The following DUSP22 variants were observed in gnomAD, a reference collection of about 807,000 sequenced individuals.
The protein encoded by DUSP22 is dual specificity phosphatase 22, also known as dual specificity protein phosphatase 22.
Under a neutral mutation model 24.5 loss-of-function variants are expected in DUSP22, and 24 were observed. The ratio of observed to expected loss-of-function variants is 0.98; its 90% CI spans 0.71 to 1.38. The LOEUF (loss-of-function observed/expected upper bound fraction) is 1.38. Among genes scored for constraint, DUSP22 ranks in the 40% most tolerant of loss-of-function variants. DUSP22 has a pLI of 0.00. For missense variants in DUSP22, 330 were observed against 269.2 expected, an observed-to-expected ratio of 1.23 and a Z score of -1.58; for synonymous variants, 160 against 106.4, an observed-to-expected ratio of 1.50 and a Z score of -3.10.
intron 1 of DUSP22, among the ~76,000 whole-genome samples, chr6:296,538 C>T (rs532691585): frequency 4.6e-5 from 7 of 152,416 alleles, no homozygotes; most frequent in Non-Finnish European, 7.3e-5. Context: ...ATGCAAATGT[C>T]GTGTTCCTGT....
At chr6:336,239 A>C (rs1001240578) in intron 4 of DUSP22, among the ~76,000 whole-genome samples, 2 of 152,304 alleles carry the variant, frequency 1.3e-5, no homozygotes, top group South Asian at 2.1e-4. Context: ...GCTATATGCC[A>C]CAGGTCAAAG....
At chr6:346,013 T>C in intron 5 of DUSP22, 85 bp downstream of exon 5, 1 of 1,519,020 alleles carries the variant, frequency 6.6e-7, no homozygotes, top group Non-Finnish European at 9.1e-7. Context: ...GTGTGAATAA[T>C]GGTTTCACCT....
intron 3 of DUSP22, among the ~76,000 whole-genome samples, chr6:332,837 G>T (rs576490451): frequency 6.6e-6 from 1 of 152,412 alleles, no homozygotes; most frequent in East Asian, 1.9e-4. Context: ...GGCTCCTTCT[G>T]GTCTGTCTGG....
intron 5 of DUSP22, 59 bp downstream of exon 5, chr6:345,987 T>A: frequency 7.5e-6 from 12 of 1,600,062 alleles, no homozygotes; most frequent in Non-Finnish European, 1.0e-5. Flanking sequence ...TGGCTTCCCA[T>A]CAAGTGTTTT....
chr6:322,175 C>T (rs1427751465), intron 3 of DUSP22, among the ~76,000 whole-genome samples: 2 of 152,224 alleles, frequency 1.3e-5, no homozygotes, highest in African/African-American at 4.8e-5. Context: ...CATAGTGTAT[C>T]TAAGCCATTG....
chr6:296,397 T>A (rs1757329666), intron 1 of DUSP22, among the ~76,000 whole-genome samples: 1 of 152,298 alleles, frequency 6.6e-6, no homozygotes, highest in African/African-American at 2.4e-5. Context: ...ACCCAGCTGG[T>A]GAGTAGCAGA....
chr6:347,467 A>G (rs1435895042), intron 5 of DUSP22, among the ~76,000 whole-genome samples: 3 of 152,306 alleles, frequency 2.0e-5, no homozygotes, highest in Non-Finnish European at 4.4e-5. Flanking sequence ...TTGCATGTAC[A>G]TGTAAAACGG....
intron 1 of DUSP22, among the ~76,000 whole-genome samples, chr6:292,922 C>T (rs1463471037): frequency 1.3e-5 from 2 of 152,282 alleles, no homozygotes; most frequent in East Asian, 1.9e-4. Context: ...TCCCAAACTA[C>T]GCTCTTGAAG....
At chr6:298,783 C>T (rs936809444) in intron 1 of DUSP22, among the ~76,000 whole-genome samples, 12 of 152,418 alleles carry the variant, frequency 7.9e-5, no homozygotes, top group Admixed American at 3.3e-4. Context: ...GTTTCGTCAC[C>T]GTTTATTCAG....
chr6:314,620 A>G (rs1302224971), intron 3 of DUSP22, among the ~76,000 whole-genome samples: 2 of 152,306 alleles, frequency 1.3e-5, no homozygotes, highest in African/African-American at 4.8e-5. Context: ...AACTTAGCAC[A>G]CTTTATTCCC....
chr6:317,781 A>G (rs1402256001), intron 3 of DUSP22, among the ~76,000 whole-genome samples: 1 of 152,306 alleles, frequency 6.6e-6, no homozygotes, highest in African/African-American at 2.4e-5. Context: ...TCCAGCACGC[A>G]GGGGCCCCTC....
At chr6:318,987 A>G (rs1419331904) in intron 3 of DUSP22, among the ~76,000 whole-genome samples, 7 of 152,386 alleles carry the variant, frequency 4.6e-5, no homozygotes, top group East Asian at 1.9e-4. Context: ...TTTAAAGTCA[A>G]TGGTGTATTT....
chr6:334,684 A>G (rs541932142), intron 3 of DUSP22, among the ~76,000 whole-genome samples: 3 of 152,306 alleles, frequency 2.0e-5, no homozygotes, highest in Non-Finnish European at 4.4e-5. Flanking sequence ...GTAATGTGAC[A>G]TTATAGTTTT....
At position 308,757 on chromosome 6, in the gene DUSP22, T is replaced by C. The variant is rs543523026; in HGVS notation, c.56-3123T>C. ...CGTATGAAACCATTGAATCATATAC[T>C]TGATCAGGGTCCGTATTATGGTATG... On this transcript the variant is annotated intron_variant, in intron 2 of 6. Coordinates refer to ENST00000419235, the MANE Select transcript of DUSP22 (RefSeq NM_001286555.3). 3.3e-5 allele frequency among the ~76,000 whole-genome samples: 5 copies of C among 152,422 alleles called. No homozygotes were observed. In the East Asian group the frequency reaches 9.6e-4, roughly 29 times the overall value.
chr6:302,768 T>A (rs1757642966), intron 1 of DUSP22, among the ~76,000 whole-genome samples: 1 of 152,298 alleles, frequency 6.6e-6, no homozygotes, highest in African/African-American at 2.4e-5. Context: ...TGACACTTGG[T>A]TAAGCCAGCA....
chr6:339,299 T>C (rs1759491946), intron 4 of DUSP22, among the ~76,000 whole-genome samples: 2 of 152,308 alleles, frequency 1.3e-5, no homozygotes, highest in African/African-American at 4.8e-5. Flanking sequence ...TCTTCTCTCA[T>C]CTGTAAAATG....
chr6:304,584 C>T (rs768667760), intron 1 of DUSP22, 44 bp from the exon 2 acceptor site: 1 of 1,614,088 alleles, frequency 6.2e-7, no homozygotes, highest in East Asian at 2.2e-5. Context: ...ATACCATCCA[C>T]TTAGAGTCTG....
chr6:327,537 G>T (rs1758936320), intron 3 of DUSP22, among the ~76,000 whole-genome samples: 1 of 152,308 alleles, frequency 6.6e-6, no homozygotes, highest in Non-Finnish European at 1.5e-5. Context: ...ACTGATAGAT[G>T]ATGACCACAG....
intron 3 of DUSP22, among the ~76,000 whole-genome samples, chr6:324,314 C>T (rs550097128): frequency 3.9e-5 from 6 of 152,418 alleles, no homozygotes; most frequent in Non-Finnish European, 7.3e-5. Context: ...GGAGGAGTGC[C>T]GCCCTTCCTG....
Sources: gnomAD v4.1 joint callset for allele counts (sites outside exome capture counted in the v4.1 genomes callset) on GRCh38, gnomAD v4.1.1 for gene constraint, MANE v1.5 for transcripts, NCBI Gene and HGNC (gene_info 2026-07-23, HGNC 2026-07-21) for gene names.